Variants in CEPT1 observed in about 807,000 individuals in gnomAD.
CEPT1 encodes choline/ethanolaminephosphotransferase 1.
In CEPT1, 7 loss-of-function variants were observed where a neutral mutation model predicts 42.6. That is an observed-to-expected ratio of 0.16 (90% CI 0.09 to 0.31). CEPT1 has a LOEUF of 0.31. Among genes scored for constraint, CEPT1 ranks in the 10% least tolerant of loss-of-function variants. The pLI, the probability that CEPT1 is intolerant of heterozygous loss-of-function variation, is 1.00. For missense variants in CEPT1, 306 were observed against 502.1 expected, an observed-to-expected ratio of 0.61 and a Z score of 3.73; for synonymous variants, 171 against 171.9, an observed-to-expected ratio of 0.99 and a Z score of 0.04.
intron 5 of CEPT1, among the ~76,000 whole-genome samples, chr1:111,175,247 A>G (rs1217788386): frequency 6.6e-6 from 1 of 152,174 alleles, no homozygotes; most frequent in African/African-American, 2.4e-5. Context: ...ATAACAAGTT[A>G]ACCAGTGACA....
At chr1:111,150,475 T>C (rs530626287) in intron 2 of CEPT1, among the ~76,000 whole-genome samples, 1 of 152,296 alleles carries the variant, frequency 6.6e-6, no homozygotes, top group South Asian at 2.1e-4. Context: ...TTTATATTTT[T>C]CTTTATCATC....
chr1:111,160,349 C>T (rs1444589190), intron 3 of CEPT1: 2 of 152,098 alleles, frequency 1.3e-5, no homozygotes, highest in East Asian at 3.8e-4. Context: ...TTTAGTTTCT[C>T]AATTATTTTC....
Position 111,146,076 on chromosome 1 carries a change from C to T in CEPT1, c.-73-1566C>T, listed in dbSNP as rs116484976. On this transcript the variant is annotated intron_variant, in intron 1 of 8. Coordinates refer to ENST00000357172, the MANE Select transcript of CEPT1 (RefSeq NM_006090.5). ...TAATCTTTTTTGTTCTATTAAGATTCTTTCTTTTTTTTTTTTTTTTAAATG... is the reference window on the plus strand; with the variant it reads ...TAATCTTTTTTGTTCTATTAAGATTTTTTCTTTTTTTTTTTTTTTTAAATG... Among the ~76,000 whole-genome samples, 1,033 of 148,734 alleles carry T rather than the reference C, an allele frequency of 6.9e-3. 14 individuals carry two copies. The highest frequency in any genetic ancestry group is 0.021 in the African/African-American group (858 of 39,968).
intron 1 of CEPT1, 36 bp from the exon 2 acceptor site, chr1:111,147,606 T>C (rs1309948815): frequency 1.7e-5 from 12 of 707,324 alleles, no homozygotes; most frequent in Non-Finnish European, 2.4e-5. Flanking sequence ...GGCCAACAAG[T>C]GTATTTTTTA....
chr1:111,159,082 T>G (rs983354175), intron 2 of CEPT1, among the ~76,000 whole-genome samples: 37 of 150,642 alleles, frequency 2.5e-4, no homozygotes, highest in African/African-American at 4.2e-4. Flanking sequence ...CCCGGCTAAT[T>G]TTTTGTATTT....
intron 2 of CEPT1, among the ~76,000 whole-genome samples, chr1:111,155,663 C>T (rs553747316): frequency 4.3e-4 from 65 of 152,142 alleles, no homozygotes; most frequent in South Asian, 3.3e-3. Flanking sequence ...CTCAGCCTCC[C>T]GAGTAGCTGG....
At chr1:111,149,239 T>G (rs1655134262) in intron 2 of CEPT1, among the ~76,000 whole-genome samples, 1 of 150,920 alleles carries the variant, frequency 6.6e-6, no homozygotes, top group South Asian at 2.1e-4. Flanking sequence ...CATACAGATT[T>G]TATAGATGTA....
chr1:111,171,242 T>C (rs1414718408), intron 4 of CEPT1, among the ~76,000 whole-genome samples: 1 of 152,226 alleles, frequency 6.6e-6, no homozygotes, highest in Non-Finnish European at 1.5e-5. Context: ...CATAGTTAGC[T>C]AACTTACTTT....
chr1:111,183,636 G>A (rs1657104741), intron 8 of CEPT1, 49 bp downstream of exon 8: 2 of 1,553,002 alleles, frequency 1.3e-6, no homozygotes, highest in Non-Finnish European at 1.8e-6. Context: ...TTTGAAGGTT[G>A]CTTGTTTTCT....
At chr1:111,167,045 G>C (rs1459346438) in intron 4 of CEPT1, 1 of 810,224 alleles carries the variant, frequency 1.2e-6, no homozygotes, top group Non-Finnish European at 1.5e-6. Context: ...TGTGTTAGTA[G>C]GGCTCTTTAG....
intron 2 of CEPT1, among the ~76,000 whole-genome samples, chr1:111,156,458 G>C (rs1377476979): frequency 6.6e-6 from 1 of 152,110 alleles, no homozygotes; most frequent in East Asian, 1.9e-4. Flanking sequence ...ATGTTACTTT[G>C]TTGGTTTTCT....
At chr1:111,149,010 T>G (rs1196483555) in intron 2 of CEPT1, among the ~76,000 whole-genome samples, 5 of 152,184 alleles carry the variant, frequency 3.3e-5, no homozygotes, top group African/African-American at 7.2e-5. Flanking sequence ...TTAAGTAATC[T>G]TCTCAGATTA....
intron 2 of CEPT1, among the ~76,000 whole-genome samples, chr1:111,157,189 G>C (rs1460855400): frequency 6.6e-6 from 1 of 152,134 alleles, no homozygotes; most frequent in East Asian, 1.9e-4. Flanking sequence ...CCAAAGTCAA[G>C]GAAACTTTTT....
In CEPT1 at chr1:111,148,036, C is replaced by A; in HGVS notation, c.322C>A (p.Pro108Thr). The A allele has an allele frequency of 6.2e-7, 1 of 1,613,328 alleles. No homozygotes were observed. The highest frequency in any genetic ancestry group is 8.5e-7 in the Non-Finnish European group (1 of 1,179,302). The change falls in exon 2 of 9, where the codon CCT becomes ACT. Residue 108 changes from proline (P) to threonine (T), a missense_variant. This residue lies in a region of CEPT1 where 253 missense variants were observed against 447.3 expected (regional missense o/e 0.57). Transcript: ENST00000357172. ...AACTATTTTATTAGTCTTCTACTGC[C>A]CTACAGCTACAGAGCAGGTAAGAGT... ...CTTILLVFYC[P>T]TATEQAPLWA...
chr1:111,147,860 A>G lies in CEPT1; in HGVS notation c.146A>G (p.Lys49Arg). The change falls in exon 2 of 9, where the codon AAG (lysine) becomes AGG (arginine). Residue 49 changes from lysine to arginine, a missense_variant. Transcript: ENST00000357172. The part of the protein sequence containing the change: ...PTPPLSRHQL[K>R]RLEEHRYQSA... ...CCACCATTGTCAAGACACCAACTAA[A>G]GCGGCTAGAAGAACACAGATATCAA... 1 of 1,614,164 alleles carries G rather than the reference A, an allele frequency of 6.2e-7. No homozygotes were observed.
intron 2 of CEPT1, among the ~76,000 whole-genome samples, chr1:111,158,364 ATAAAT>A (rs903619526): frequency 2.0e-5 from 3 of 152,072 alleles, no homozygotes; most frequent in African/African-American, 7.2e-5. Context: ...AAATAAATAA[ATAAAT>A]TAATTAATTA....
chr1:111,169,996 G>A (rs181553404), intron 4 of CEPT1, among the ~76,000 whole-genome samples: 118 of 152,244 alleles, frequency 7.8e-4, no homozygotes, highest in African/African-American at 2.4e-3. Flanking sequence ...TGATTAAAAG[G>A]GTGAAGAATG....
chr1:111,183,046 A>C (rs113123860), intron 7 of CEPT1, 89 bp downstream of exon 7: 1 of 1,339,886 alleles, frequency 7.5e-7, no homozygotes, highest in Admixed American at 2.1e-5. Flanking sequence ...AGCTTCATAA[A>C]TGGTCCTAGA....
intron 4 of CEPT1, among the ~76,000 whole-genome samples, chr1:111,173,625 G>A (rs1484159621): frequency 6.6e-6 from 1 of 152,046 alleles, no homozygotes; most frequent in African/African-American, 2.4e-5. Flanking sequence ...TTATAAAAAG[G>A]TATACAGTGA....
Sources: allele counts gnomAD v4.1 joint callset (sites outside exome capture counted in the v4.1 genomes callset), GRCh38; gene constraint gnomAD v4.1.1; regional missense constraint gnomAD v4.1.1; transcripts MANE v1.5; gene names NCBI Gene and HGNC (gene_info 2026-07-23, HGNC 2026-07-21).